The following CCDC148 variants were observed in gnomAD, a reference collection of about 807,000 sequenced individuals.
CCDC148 encodes coiled-coil domain containing 148.
Under a neutral mutation model 85.7 loss-of-function variants are expected in CCDC148, and 89 were observed. The observed-to-expected ratio is 1.04, with a 90% CI of 0.87 to 1.24. CCDC148 has a LOEUF of 1.24. CCDC148 is among the 50% of genes most tolerant of loss of function. CCDC148 has a pLI of 0.00. For synonymous variants in CCDC148, 230 were observed against 213.9 expected, an observed-to-expected ratio of 1.08 and a Z score of -0.66; for missense variants, 692 against 671.7, an observed-to-expected ratio of 1.03 and a Z score of -0.33.
intron 3 of CCDC148, among the ~76,000 whole-genome samples, chr2:158,342,062 C>T (rs1682740840): frequency 9.1e-6 from 1 of 109,850 alleles, no homozygotes; most frequent in African/African-American, 3.7e-5. Flanking sequence ...AGGAGTCTTG[C>T]TGGGTCGCCC....
chr2:158,346,378 T>A (rs997299155), intron 2 of CCDC148, among the ~76,000 whole-genome samples: 3 of 152,188 alleles, frequency 2.0e-5, no homozygotes, highest in African/African-American at 7.2e-5. Context: ...TCCACTACGG[T>A]TCCAACTATC....
chr2:158,210,456 G>A (rs1686503053), intron 11 of CCDC148, among the ~76,000 whole-genome samples: 1 of 152,072 alleles, frequency 6.6e-6, no homozygotes, highest in Admixed American at 6.6e-5. Context: ...TCTGGATCAA[G>A]CAGACCTAAT....
intron 11 of CCDC148, among the ~76,000 whole-genome samples, chr2:158,188,581 T>TA (rs1324917129): frequency 6.6e-6 from 1 of 151,764 alleles, no homozygotes; most frequent in Non-Finnish European, 1.5e-5. Flanking sequence ...TCACCATATA[T>TA]AAAAATTAAC....
intron 1 of CCDC148, among the ~76,000 whole-genome samples, chr2:158,384,234 G>T (rs1040228316): frequency 3.3e-5 from 5 of 152,138 alleles, no homozygotes; most frequent in Admixed American, 3.3e-4. Context: ...GTATTTTGTG[G>T]AGAGGTACTT....
chr2:158,327,228 C>T (rs1169349653), intron 7 of CCDC148, among the ~76,000 whole-genome samples: 1 of 152,120 alleles, frequency 6.6e-6, no homozygotes, highest in Non-Finnish European at 1.5e-5. Flanking sequence ...TGCTGATCTG[C>T]TCTATAGAAA....
At chr2:158,218,854 G>C (rs1229700452) in intron 11 of CCDC148, among the ~76,000 whole-genome samples, 1 of 152,144 alleles carries the variant, frequency 6.6e-6, no homozygotes, top group Non-Finnish European at 1.5e-5. Flanking sequence ...TATATTCTCA[G>C]TTCTCTCAGT....
At position 158,304,634 on chromosome 2, in the gene CCDC148, T is replaced by C. The variant is rs116011938; in HGVS notation, c.1110+4799A>G. Among the ~76,000 whole-genome samples, 574 of 152,318 alleles carry C rather than the reference T, an allele frequency of 3.8e-3. 5 individuals carry two copies. Among genetic ancestry groups the C allele is most frequent in the African/African-American group, 0.013 (546 of 41,552 alleles). On this transcript the variant is annotated intron_variant, in intron 9 of 13. Coordinates refer to ENST00000283233, the MANE Select transcript of CCDC148 (RefSeq NM_138803.4). ...TGATGAATTATATTTCATTAGGACC[T>C]ATGAGCTTCCATTTAGGTGTAGAAA...
At chr2:158,257,898 G>A (rs567689428) in intron 9 of CCDC148, among the ~76,000 whole-genome samples, 7 of 151,886 alleles carry the variant, frequency 4.6e-5, no homozygotes, top group African/African-American at 1.7e-4. Flanking sequence ...TTTTCTGAAA[G>A]GATAAAATTT....
At position 158,233,773 on chromosome 2, in the gene CCDC148, TA is replaced by T. The variant is rs201205847; in HGVS notation, c.1252-13061del. On this transcript the variant is annotated intron_variant, in intron 10 of 13. Coordinates refer to ENST00000283233, the MANE Select transcript of CCDC148 (RefSeq NM_138803.4). The stretch of plus-strand genomic sequence containing the variant: ...AGCCAGATTAAAGGTATTCTATACT[TA>T]GTCATTCCTACTCTCAAAACCTTTC... Among the ~76,000 whole-genome samples the T allele has an allele frequency of 4.9e-4, 75 of 152,194 alleles. No homozygotes were observed. The East Asian group carries it at 0.01, about 21-fold the overall frequency.
At chr2:158,358,817 C>T (rs1211206544) in intron 1 of CCDC148, among the ~76,000 whole-genome samples, 2 of 151,988 alleles carry the variant, frequency 1.3e-5, no homozygotes, top group African/African-American at 4.8e-5. Flanking sequence ...ATGCTTTCAT[C>T]TAAGTTAGTA....
chr2:158,393,296 T>C (rs1475801905), intron 1 of CCDC148: 1 of 152,068 alleles, frequency 6.6e-6, no homozygotes, highest in Non-Finnish European at 1.5e-5. Flanking sequence ...GTACTCTACA[T>C]GAAGGAACTC....
intron 9 of CCDC148, among the ~76,000 whole-genome samples, chr2:158,279,776 C>T (rs546671909): frequency 4.0e-3 from 603 of 151,836 alleles, no homozygotes; most frequent in African/African-American, 7.5e-3. Flanking sequence ...ATACAGAGAA[C>T]GCCACAAAGA....
chr2:158,252,505 C>G (rs1688834640), intron 9 of CCDC148, among the ~76,000 whole-genome samples: 1 of 151,676 alleles, frequency 6.6e-6, no homozygotes, highest in South Asian at 2.1e-4. Flanking sequence ...TCACGTATTA[C>G]CAGTGATCTA....
chr2:158,289,476 G>A (rs1690787896), intron 9 of CCDC148, among the ~76,000 whole-genome samples: 1 of 152,170 alleles, frequency 6.6e-6, no homozygotes, highest in African/African-American at 2.4e-5. Flanking sequence ...CATGCTGAAA[G>A]TCCCTCAATT....
chr2:158,213,719 T>G (rs1450678726), intron 11 of CCDC148, among the ~76,000 whole-genome samples: 1 of 152,202 alleles, frequency 6.6e-6, no homozygotes, highest in Non-Finnish European at 1.5e-5. Context: ...TACTCCTCCC[T>G]GTGTGTAGAA....
rs189862581 is a variant in CCDC148 at position 158,310,803 on chromosome 2, C to T, written c.904-1164G>A. Among the ~76,000 whole-genome samples the T allele has an allele frequency of 2.4e-3, 357 of 146,226 alleles. 1 individual carries two copies. Among genetic ancestry groups the T allele is most frequent in the African/African-American group, 8.7e-3 (335 of 38,712 alleles). On this transcript the variant is annotated intron_variant, in intron 8 of 13. Coordinates refer to ENST00000283233, the MANE Select transcript of CCDC148 (RefSeq NM_138803.4). ...CGATCCCCACATCCCAGACGATAGG[C>T]GGCCAGGCAGAGACGCTCCTCACTT...
intron 10 of CCDC148, among the ~76,000 whole-genome samples, chr2:158,222,938 T>C (rs1016883984): frequency 6.6e-6 from 1 of 151,978 alleles, no homozygotes; most frequent in African/African-American, 2.4e-5. Flanking sequence ...AGGTACCGGG[T>C]TCATCTCACT....
intron 1 of CCDC148, among the ~76,000 whole-genome samples, chr2:158,383,107 C>G (rs963268896): frequency 2.0e-5 from 3 of 151,766 alleles, no homozygotes; most frequent in Non-Finnish European, 4.4e-5. Context: ...CAAGACCAGC[C>G]TGGCCAACAT....
At chr2:158,437,072 T>C (rs1429602458) in intron 1 of CCDC148, among the ~76,000 whole-genome samples, 1 of 152,194 alleles carries the variant, frequency 6.6e-6, no homozygotes, top group Non-Finnish European at 1.5e-5. Flanking sequence ...GTACCATTCC[T>C]TCTGAAACTA....
Sources: allele counts gnomAD v4.1 joint callset (sites outside exome capture counted in the v4.1 genomes callset), GRCh38; gene constraint gnomAD v4.1.1; transcripts MANE v1.5; gene names NCBI Gene and HGNC (gene_info 2026-07-23, HGNC 2026-07-21).